THRB: variants seen among roughly 807,000 people sequenced by gnomAD.
The protein encoded by THRB is thyroid hormone receptor beta, also known as nuclear receptor subfamily 1 group A member 2.
THRB carries 12 observed loss-of-function variants against 47.8 expected under a neutral mutation model. The ratio of observed to expected loss-of-function variants is 0.25; its 90% CI spans 0.16 to 0.41. THRB has a LOEUF of 0.41. THRB is among the 10% of genes least tolerant of loss of function. The probability of loss-of-function intolerance (pLI) is 1.00; values close to 1 mark genes in which losing one functional copy is unlikely to be tolerated. For synonymous variants in THRB, 218 were observed against 212.2 expected (o/e 1.03, Z -0.24); for missense variants, 348 against 589.2 (o/e 0.59, Z 4.24).
chr3:24,333,199 T>G (rs929662022), intron 2 of THRB, among the ~76,000 whole-genome samples: 1 of 152,186 alleles, frequency 6.6e-6, no homozygotes, highest in Non-Finnish European at 1.5e-5. Context: ...AAATGCATAC[T>G]GTTTAAAAAA....
chr3:24,468,728 T>C (rs1255001327), intron 1 of THRB, among the ~76,000 whole-genome samples: 1 of 152,184 alleles, frequency 6.6e-6, no homozygotes, highest in Non-Finnish European at 1.5e-5. Flanking sequence ...AGATCACTGA[T>C]CATGGATCAC....
At chr3:24,326,911 C>T (rs776361049) in intron 2 of THRB, among the ~76,000 whole-genome samples, 12 of 151,660 alleles carry the variant, frequency 7.9e-5, no homozygotes, top group Non-Finnish European at 1.2e-4. Flanking sequence ...ACTACAGGTG[C>T]GTGCCACCAT....
intron 2 of THRB, among the ~76,000 whole-genome samples, chr3:24,327,862 A>G (rs1418289946): frequency 6.6e-6 from 1 of 152,200 alleles, no homozygotes; most frequent in Non-Finnish European, 1.5e-5. Context: ...CTACTGCTAG[A>G]ACAAAGGTAA....
At chr3:24,402,438 G>T (rs1304895035) in intron 1 of THRB, among the ~76,000 whole-genome samples, 1 of 149,948 alleles carries the variant, frequency 6.7e-6, no homozygotes. Context: ...TACTTTTTTG[G>T]TCTGATTTGA....
chr3:24,296,336 G>A (rs1196142014), intron 3 of THRB, among the ~76,000 whole-genome samples: 1 of 152,206 alleles, frequency 6.6e-6, no homozygotes, highest in African/African-American at 2.4e-5. Flanking sequence ...GCGTTGATGT[G>A]GCTTCCTATT....
intron 4 of THRB, among the ~76,000 whole-genome samples, chr3:24,190,861 C>G (rs943985473): frequency 6.7e-6 from 1 of 148,502 alleles, no homozygotes; most frequent in Non-Finnish European, 1.5e-5. Flanking sequence ...TTACCACCTT[C>G]TACCTCTGAT....
chr3:24,423,499 CA>C (rs1332392478), intron 1 of THRB, among the ~76,000 whole-genome samples: 2 of 151,692 alleles, frequency 1.3e-5, no homozygotes, highest in Non-Finnish European at 2.9e-5. Context: ...AATTAATCTA[CA>C]ATGCAAATTT....
intron 1 of THRB, among the ~76,000 whole-genome samples, chr3:24,355,698 C>T (rs942843381): frequency 1.8e-4 from 27 of 152,110 alleles, no homozygotes; most frequent in African/African-American, 2.4e-4. Flanking sequence ...AGTGAGGTCA[C>T]GCCAAATGGG....
intron 1 of THRB, among the ~76,000 whole-genome samples, chr3:24,397,474 C>G (rs908651417): frequency 1.3e-5 from 2 of 152,102 alleles, no homozygotes; most frequent in African/African-American, 4.8e-5. Flanking sequence ...CATCCTTTAG[C>G]ACACAATATT....
intron 1 of THRB, among the ~76,000 whole-genome samples, chr3:24,450,188 T>C (rs1219414127): frequency 2.6e-5 from 4 of 152,234 alleles, no homozygotes; most frequent in African/African-American, 4.8e-5. Context: ...ACAGGTATAA[T>C]GTACAACTGT....
rs916864827 is a variant in THRB, at chr3:24,122,590, G to A, written c.*294C>T. ...CTGACTCAAGTCTTGGACCAGGGAC[G>A]GGTGGGAGCTGGTGATGCTTGGTGC... On this transcript the variant is annotated 3_prime_UTR_variant, in exon 11 of 11. Coordinates refer to ENST00000646209, the MANE Select transcript of THRB (RefSeq NM_001354712.2). The A allele has an allele frequency of 1.4e-5, 6 of 440,700 alleles. No homozygotes were observed. The highest frequency in any genetic ancestry group is 4.0e-5 in the African/African-American group (2 of 50,092). 27.3% of individuals were successfully genotyped at this position (440,700 alleles called of 1,614,324 possible).
chr3:24,242,800 A>C (rs1317501307), intron 3 of THRB, among the ~76,000 whole-genome samples: 2 of 152,166 alleles, frequency 1.3e-5, no homozygotes, highest in Non-Finnish European at 2.9e-5. Flanking sequence ...ATCCAGCCAA[A>C]GAATGAGATT....
At chr3:24,341,125 T>C (rs2062613824) in intron 1 of THRB, among the ~76,000 whole-genome samples, 1 of 79,984 alleles carries the variant, frequency 1.3e-5, no homozygotes, top group Non-Finnish European at 2.6e-5. Context: ...CAATATCTAT[T>C]TTTTTTTTTC....
chr3:24,141,151 C>G lies in THRB; in HGVS notation c.738+2350G>C, dbSNP rs75177124. ...TCAGCCCTACAAGGAGAATAAAACT[C>G]TCTTGTGCATGGGTAATCTCATGGT... On this transcript the variant is annotated intron_variant, in intron 8 of 10. Transcript: ENST00000646209. 4.3e-3 allele frequency among the ~76,000 whole-genome samples: 662 copies of G among 152,326 alleles called. 1 individual carries two copies. Among genetic ancestry groups the G allele is most frequent in the Middle Eastern group, 0.017 (5 of 294 alleles).
At chr3:24,459,755 G>A (rs1272320332) in intron 1 of THRB, among the ~76,000 whole-genome samples, 2 of 152,062 alleles carry the variant, frequency 1.3e-5, no homozygotes, top group Admixed American at 6.6e-5. Flanking sequence ...CTGCATAAAT[G>A]TCTTCTTTTG....
intron 1 of THRB, among the ~76,000 whole-genome samples, chr3:24,445,429 A>G (rs188431510): frequency 6.6e-6 from 1 of 152,276 alleles, no homozygotes; most frequent in East Asian, 1.9e-4. Flanking sequence ...TATATCAGAG[A>G]GCAGAATACT....
chr3:24,127,415 G>T, intron 10 of THRB, 84 bp downstream of exon 10: 1 of 1,425,022 alleles, frequency 7.0e-7, no homozygotes, highest in Non-Finnish European at 9.9e-7. Context: ...AGCTAAAGGG[G>T]GACTGAAAAC....
chr3:24,205,735 T>C (rs1296704743), intron 4 of THRB, among the ~76,000 whole-genome samples: 8 of 152,192 alleles, frequency 5.3e-5, no homozygotes, highest in East Asian at 1.9e-4. Flanking sequence ...GACCCATCAG[T>C]GTGCTGTATT....
intron 3 of THRB, chr3:24,238,060 G>A (rs1212623453): frequency 6.6e-6 from 1 of 151,954 alleles, no homozygotes; most frequent in Non-Finnish European, 1.5e-5. Context: ...CTCTACAGGT[G>A]GACTATCATC....
Sources: gnomAD v4.1 joint callset for allele counts (sites outside exome capture counted in the v4.1 genomes callset) on GRCh38, gnomAD v4.1.1 for gene constraint, MANE v1.5 for transcripts, NCBI Gene and HGNC (gene_info 2026-07-23, HGNC 2026-07-21) for gene names.